Variants in KMT2B observed in about 807,000 individuals in gnomAD.
KMT2B encodes histone-lysine N-methyltransferase 2B.
A neutral mutation model predicts 255.3 loss-of-function variants in KMT2B; 22 were observed. That is an observed-to-expected ratio of 0.09 (90% CI 0.06 to 0.12). The LOEUF is 0.12. KMT2B is among the 10% of genes least tolerant of loss of function. The pLI, the probability that KMT2B is intolerant of heterozygous loss-of-function variation, is 1.00. For synonymous variants in KMT2B, 1,730 were observed against 1,498.1 expected, an observed-to-expected ratio of 1.15 and a Z score of -3.57; for missense variants, 3,149 against 3,737.0, an observed-to-expected ratio of 0.84 and a Z score of 4.10.
intron 9 of KMT2B, 93 bp from the exon 10 acceptor site, chr19:35,724,896 T>TGGATCA: frequency 8.6e-7 from 1 of 1,165,120 alleles, no homozygotes; most frequent in Non-Finnish European, 1.3e-6. Context: ...GATCAGGGTC[T>TGGATCA]GGGTCCAGTA....
chr19:35,723,615 G>A lies in KMT2B; in HGVS notation c.3058+113G>A, dbSNP rs552566793. On this transcript the variant is annotated intron_variant, in intron 7 of 36. Transcript: ENST00000420124. This position sits in a 1 kb window ranked among gnomAD's most constrained non-coding sequence, Gnocchi z 7.5. ...GCAGCTCACCCTCTCCATCTTCTCC[G>A]TTGTGTGCTTTCATAGCTCCTGCGT... 21 of 1,297,048 alleles carry A rather than the reference G, an allele frequency of 1.6e-5. No homozygotes were observed. Among genetic ancestry groups the A allele is most frequent in the South Asian group, 1.0e-4 (7 of 68,500 alleles). 80.3% of individuals were successfully genotyped at this position (1,297,048 alleles called of 1,614,324 possible).
rs1448278206 is a variant in KMT2B at position 35,721,358 on chromosome 19, C to G, written c.2011C>G (p.Leu671Val). Residue 671 changes from leucine (L) to valine (V), a missense_variant, in exon 3 of 37, where the codon CTT (leucine) becomes GTT (valine). Transcript: ENST00000420124. ...CGAATCGGTGCTTACTCCTCCTCCT[C>G]TTGGGGCTCCTGAAGCCCCTGAGCC... ...IYESVLTPPPLGAPEAPEPEP... is the reference protein window; with the variant it reads ...IYESVLTPPPVGAPEAPEPEP... 6.3e-7 allele frequency: 1 copy of G among 1,590,088 alleles called. No homozygotes were observed. Among genetic ancestry groups the G allele is most frequent in the African/African-American group, 1.3e-5 (1 of 74,198 alleles).
chr19:35,718,441 T>C lies in KMT2B; in HGVS notation c.363+60T>C. ...GGGCGGAGGCCGGGGCTTCCAGGGGTCTGGGTTGTCCCGGGGGCGGCGTGG... is the reference window on the plus strand; with the variant it reads ...GGGCGGAGGCCGGGGCTTCCAGGGGCCTGGGTTGTCCCGGGGGCGGCGTGG... On this transcript the variant is annotated intron_variant, in intron 1 of 36. Transcript: ENST00000420124. This position sits in a 1 kb window ranked among gnomAD's most constrained non-coding sequence, Gnocchi z 5.0. 1 of 1,216,442 alleles carries C rather than the reference T, an allele frequency of 8.2e-7. No homozygotes were observed. Among genetic ancestry groups the C allele is most frequent in the Non-Finnish European group, 1.0e-6 (1 of 969,410 alleles). The allele number at this position is 1,216,442 out of a possible 1,614,324, so 75.4% of individuals were successfully genotyped here.
In KMT2B at chr19:35,730,422, C is replaced by T. The variant is rs1396087646; in HGVS notation, c.5157C>T (p.Phe1719=). Residue 1719 remains phenylalanine, a synonymous_variant, in exon 24 of 37, where the codon TTC becomes TTT. Transcript: ENST00000420124. ...AGGGCATCAACTTCAAGCGGAAGTT[C>T]TTGACGGGGCTTGAACCCGATGCCA... The part of the protein sequence containing the change: ...DFEGINFKRK[F]LTGLEPDAIN... 2 of 1,613,846 alleles carry T rather than the reference C, an allele frequency of 1.2e-6. No homozygotes were observed. Among genetic ancestry groups the T allele is most frequent in the South Asian group, 1.1e-5 (1 of 91,084 alleles).
Position 35,731,998 on chromosome 19 carries a change from C to G in KMT2B, c.5528C>G (p.Pro1843Arg). The G allele has an allele frequency of 6.2e-7, 1 of 1,613,866 alleles. No individual in the cohort carries two copies. The highest frequency in any genetic ancestry group is 8.5e-7 in the Non-Finnish European group (1 of 1,179,828). Residue 1843 changes from proline (P) to arginine (R), a missense_variant, in exon 27 of 37, where the codon CCT becomes CGT. Physicochemically the swap from Pro to Arg is moderately radical, Grantham distance 103 (BLOSUM62 -2). Coordinates refer to ENST00000420124, the MANE Select transcript of KMT2B (RefSeq NM_014727.3). ...ERHSPIQNLDPPLRPDSGSAP... is the reference protein window; with the variant it reads ...ERHSPIQNLDRPLRPDSGSAP... ...CACTCGCCCATTCAGAACCTGGACC[C>G]TCCACTGCGGCCAGATTCAGGCAGC...
In KMT2B at chr19:35,733,303, G is replaced by GGCCCCCCCCCCCC; in HGVS notation, c.6754_6755insGCCCCCCCCCCCC (p.Ala2252GlyfsTer55). 1 of 1,340,096 alleles carries GGCCCCCCCCCCCC rather than the reference G, an allele frequency of 7.5e-7. No homozygotes were observed. The highest frequency in any genetic ancestry group is 1.0e-6 in the Non-Finnish European group (1 of 961,264). The allele number at this position is 1,340,096 out of a possible 1,614,324, so 83.0% of individuals were successfully genotyped here. On this transcript the variant is annotated frameshift_variant, in exon 28 of 37. Coordinates refer to ENST00000420124, the MANE Select transcript of KMT2B (RefSeq NM_014727.3). LOFTEE classifies it high-confidence loss of function. The surrounding 1 kb of genome is among the most constrained non-coding windows in gnomAD (Gnocchi z 4.3). ...GCCCGTGGTCGGAGTGGTCCGCCCT[G>GGCCCCCCCCCCCC]CCCCGCCCCCGCCACCCCCTCCCCT... is the stretch of plus-strand genomic sequence containing the variant.
rs1411838597 is a variant in KMT2B, at chr19:35,718,390, G to A, written c.363+9G>A. The A allele has an allele frequency of 5.5e-6, 7 of 1,264,198 alleles. No homozygotes were observed. Among genetic ancestry groups the A allele is most frequent in the Non-Finnish European group, 7.0e-6 (7 of 997,228 alleles). 78.3% of individuals were successfully genotyped at this position (1,264,198 alleles called of 1,614,324 possible). A position where few individuals can be genotyped will look rare whatever the true frequency, so the allele number is the denominator to read the frequency against. On this transcript the variant is annotated intron_variant, in intron 1 of 36. Transcript: ENST00000420124. The surrounding 1 kb of genome is among the most constrained non-coding windows in gnomAD (Gnocchi z 5.0). Reference sequence around the variant, plus strand: ...GGGAATCCGACGAGGAGGTGAGGCGGTTGGAGGCGTCCCCGGCGCCGGGTG... The same window carrying A: ...GGGAATCCGACGAGGAGGTGAGGCGATTGGAGGCGTCCCCGGCGCCGGGTG...
chr19:35,730,475 C>T lies in KMT2B; in HGVS notation c.5197+13C>T. 3.1e-6 allele frequency: 5 copies of T among 1,613,948 alleles called. No individual in the cohort carries two copies. The highest frequency in any genetic ancestry group is 4.2e-6 in the Non-Finnish European group (5 of 1,179,828). On this transcript the variant is annotated intron_variant, in intron 24 of 36. Coordinates refer to ENST00000420124, the MANE Select transcript of KMT2B (RefSeq NM_014727.3). Reference sequence around the variant, plus strand: ...AACGTGCTCATTGGTAAGCTGCCTGCTCTCCGCCCTGTCCTCCTACCCTGT... The same window carrying T: ...AACGTGCTCATTGGTAAGCTGCCTGTTCTCCGCCCTGTCCTCCTACCCTGT...
chr19:35,726,128 C>T, intron 13 of KMT2B, 108 bp from the exon 14 acceptor site: 1 of 798,914 alleles, frequency 1.3e-6, no homozygotes, highest in Admixed American at 2.0e-5. Flanking sequence ...CTTACCTGTC[C>T]CTCCTTGCCT....
chr19:35,732,873 C>T lies in KMT2B; in HGVS notation c.6324C>T (p.Asp2108=), dbSNP rs760665134. 2 of 1,610,032 alleles carry T rather than the reference C, an allele frequency of 1.2e-6. No homozygotes were observed. Among genetic ancestry groups the T allele is most frequent in the East Asian group, 4.5e-5 (2 of 44,792 alleles). Reference sequence around the variant, plus strand: ...GGGACAGGGCCCGGCCTCCTGAGGACCTGCCATCGGAAATTGTGGATTTTG... The same window carrying T: ...GGGACAGGGCCCGGCCTCCTGAGGATCTGCCATCGGAAATTGTGGATTTTG... ...AAGDRARPPE[D]LPSEIVDFVL... The change falls in exon 28 of 37, where the codon GAC becomes GAT. Residue 2108 remains aspartate (D), a synonymous_variant. Transcript: ENST00000420124.
At position 35,733,430 on chromosome 19, in the gene KMT2B, C is replaced by G. The variant is rs373955132; in HGVS notation, c.6881C>G (p.Pro2294Arg). 8 of 1,555,816 alleles carry G rather than the reference C, an allele frequency of 5.1e-6. No individual in the cohort carries two copies. Among genetic ancestry groups the G allele is most frequent in the African/African-American group, 1.4e-5 (1 of 73,118 alleles). Residue 2294 changes from proline to arginine, a missense_variant, in exon 28 of 37, where the codon CCA (proline) becomes CGA (arginine). By Grantham distance (103) the Pro-to-Arg change is moderately radical. Transcript: ENST00000420124. The surrounding 1 kb of genome is among the most constrained non-coding windows in gnomAD (Gnocchi z 4.3). ...FSGRSPPAPPPYKAPRLDEDG... is the reference protein window; with the variant it reads ...FSGRSPPAPPRYKAPRLDEDG... ...GGCCGGTCCCCGCCAGCACCTCCCC[C>G]ATACAAAGCCCCCCGGCTGGATGAA... is the stretch of plus-strand genomic sequence containing the variant.
chr19:35,719,638 C>A, intron 2 of KMT2B, 97 bp downstream of exon 2: 1 of 1,502,822 alleles, frequency 6.7e-7, no homozygotes, highest in Non-Finnish European at 9.1e-7. Flanking sequence ...CTGTCAGTTG[C>A]CGAATGTGTT....
chr19:35,736,867 A>G, intron 31 of KMT2B, 40 bp downstream of exon 31: 1 of 1,613,904 alleles, frequency 6.2e-7, no homozygotes, highest in African/African-American at 1.3e-5. Context: ...GAGAGTGTCC[A>G]TAAAACACCA....
Position 35,725,346 on chromosome 19 carries a change from C to A in KMT2B, c.3642+13C>A. On this transcript the variant is annotated intron_variant, in intron 11 of 36. Coordinates refer to ENST00000420124, the MANE Select transcript of KMT2B (RefSeq NM_014727.3). This position sits in a 1 kb window ranked among gnomAD's most constrained non-coding sequence, Gnocchi z 4.1. ...AGGACTCCACGAGGTTAGATCTCTG[C>A]CTTTCTTCACAGACCCCCAGCTCTC... 2 of 1,556,392 alleles carry A rather than the reference C, an allele frequency of 1.3e-6. No homozygotes were observed. The highest frequency in any genetic ancestry group is 1.7e-6 in the Non-Finnish European group (2 of 1,151,312).
intron 13 of KMT2B, 144 bp from the exon 14 acceptor site, chr19:35,726,092 C>T (rs1211800882): frequency 4.4e-6 from 3 of 685,382 alleles, no homozygotes; most frequent in Non-Finnish European, 5.3e-6. Context: ...GTTCCTCCTC[C>T]GTGTCTGTCC....
At position 35,718,801 on chromosome 19, in the gene KMT2B, T is replaced by A. The variant is rs1969064009; in HGVS notation, c.363+420T>A. 6.6e-6 allele frequency among the ~76,000 whole-genome samples: 1 copy of A among 152,122 alleles called. No individual in the cohort carries two copies. Among genetic ancestry groups the A allele is most frequent in the South Asian group, 2.1e-4 (1 of 4,828 alleles). On this transcript the variant is annotated intron_variant, in intron 1 of 36. Coordinates refer to ENST00000420124, the MANE Select transcript of KMT2B (RefSeq NM_014727.3). The surrounding 1 kb of genome is among the most constrained non-coding windows in gnomAD (Gnocchi z 5.0). ...CCCGCCGGGCCTCGCAACCTCCTGGTTTCTCCAGGGCCCCAGTTTCTCTTG... is the reference window on the plus strand; with the variant it reads ...CCCGCCGGGCCTCGCAACCTCCTGGATTCTCCAGGGCCCCAGTTTCTCTTG...
At position 35,733,663 on chromosome 19, in the gene KMT2B, G is replaced by A. The variant is rs1420392658; in HGVS notation, c.7026G>A (p.Glu2342=). 15 of 1,600,356 alleles carry A rather than the reference G, an allele frequency of 9.4e-6. No individual in the cohort carries two copies. The highest frequency in any genetic ancestry group is 1.3e-5 in the Non-Finnish European group (15 of 1,173,902). ...TCCTTGACCTGGATCGGCCTGGGGAGCCCGCTGGGGAAGAAAGTCCTGGGT... is the reference window on the plus strand; with the variant it reads ...TCCTTGACCTGGATCGGCCTGGGGAACCCGCTGGGGAAGAAAGTCCTGGGT... The part of the protein sequence containing the change: ...RGVLDLDRPG[E]PAGEESPGPL... The change falls in exon 29 of 37, where the codon GAG becomes GAA. Residue 2342 remains glutamate, a synonymous_variant. Transcript: ENST00000420124. This position sits in a 1 kb window ranked among gnomAD's most constrained non-coding sequence, Gnocchi z 4.3.
chr19:35,719,572 C>A, intron 2 of KMT2B, 31 bp downstream of exon 2: 3 of 1,567,022 alleles, frequency 1.9e-6, no homozygotes, highest in South Asian at 1.2e-5. Flanking sequence ...ACCTCTTTAG[C>A]GTCACAGGAA....
At chr19:35,722,214 A>G in intron 3 of KMT2B, 145 bp from the exon 4 acceptor site, 1 of 800,324 alleles carries the variant, frequency 1.2e-6, no homozygotes, top group Admixed American at 3.0e-5. Flanking sequence ...CACATTGGCT[A>G]GGCTGGTCTT....
Sources: allele counts gnomAD v4.1 joint callset (sites outside exome capture counted in the v4.1 genomes callset), GRCh38; gene constraint gnomAD v4.1.1; non-coding constraint Gnocchi (gnomAD v3.1); transcripts MANE v1.5; gene names NCBI Gene and HGNC (gene_info 2026-07-23, HGNC 2026-07-21).